The following XYLB variants were observed in gnomAD, a reference collection of about 807,000 sequenced individuals.
XYLB encodes xylulose kinase.
XYLB carries 62 observed loss-of-function variants against 78.7 expected under a neutral mutation model. The observed-to-expected ratio is 0.79, with a 90% CI of 0.64 to 0.97. The LOEUF (loss-of-function observed/expected upper bound fraction) is 0.97. XYLB is among the 50% of genes least tolerant of loss of function. The pLI, the probability that XYLB is intolerant of heterozygous loss-of-function variation, is 0.00. For missense variants in XYLB, 687 were observed against 676.8 expected (o/e 1.02, Z -0.17); for synonymous variants, 245 against 247.4 (o/e 0.99, Z 0.09).
chr3:38,362,854 G>C, intron 3 of XYLB, 83 bp from the exon 4 acceptor site: 2 of 1,204,840 alleles, frequency 1.7e-6, no homozygotes, highest in Admixed American at 5.8e-5. Context: ...TGTAATGGCA[G>C]GCACTTGCGT....
At chr3:38,398,678 C>G (rs1707991993) in intron 17 of XYLB, among the ~76,000 whole-genome samples, 1 of 150,954 alleles carries the variant, frequency 6.6e-6, no homozygotes, top group Admixed American at 6.6e-5. Flanking sequence ...GCCTGCCTGC[C>G]TTCCTTCCTT....
intron 18 of XYLB, 90 bp downstream of exon 18, chr3:38,401,075 C>T (rs751185933): frequency 3.6e-6 from 4 of 1,097,508 alleles, no homozygotes; most frequent in South Asian, 1.3e-5. Flanking sequence ...CTACATTGAA[C>T]GTGATGTGCT....
At chr3:38,365,845 G>A in intron 6 of XYLB, 109 bp downstream of exon 6, 1 of 1,435,010 alleles carries the variant, frequency 7.0e-7, no homozygotes, top group Non-Finnish European at 9.2e-7. Context: ...AGGTGTTGTG[G>A]AGCCAGCAAC....
At chr3:38,418,235 GTATC>G (rs1460701466), downstream of XYLB, among the ~76,000 whole-genome samples, 3 of 149,748 alleles carry the variant, frequency 2.0e-5, no homozygotes, top group Admixed American at 6.7e-5. Flanking sequence ...ATGTATGTAT[GTATC>G]TATGTATCAG....
At chr3:38,408,847 A>T (rs1226604552) in intron 18 of XYLB, among the ~76,000 whole-genome samples, 1 of 152,258 alleles carries the variant, frequency 6.6e-6, no homozygotes, top group Non-Finnish European at 1.5e-5. Context: ...AAGAAGTTGA[A>T]TCTCTGAATA....
At chr3:38,426,950 G>A in the XYLB span, among the ~76,000 whole-genome samples, 3 of 152,214 alleles carry the variant, frequency 2.0e-5, no homozygotes, top group Admixed American at 6.5e-5. Flanking sequence ...ACAAACGATA[G>A]CAGGAAAGGC....
At chr3:38,418,979 T>C (rs115990057), downstream of XYLB, among the ~76,000 whole-genome samples, 455 of 152,290 alleles carry the variant, frequency 3.0e-3, 3 homozygotes, top group African/African-American at 0.01. Flanking sequence ...TATGCTACCA[T>C]CACCACCACA....
At chr3:38,350,032 AG>A (rs2125545242) in intron 2 of XYLB, among the ~76,000 whole-genome samples, 1 of 152,312 alleles carries the variant, frequency 6.6e-6, no homozygotes, top group African/African-American at 2.4e-5. Context: ...TTAGGGGCAG[AG>A]GGGGCACAAT....
chr3:38,360,612 A>G (rs1705915743), intron 3 of XYLB, among the ~76,000 whole-genome samples: 2 of 152,260 alleles, frequency 1.3e-5, no homozygotes, highest in Non-Finnish European at 2.9e-5. Context: ...AGGACTTACA[A>G]AAAACTTCCA....
At chr3:38,427,219 C>T in the XYLB span, among the ~76,000 whole-genome samples, 30 of 152,160 alleles carry the variant, frequency 2.0e-4, no homozygotes, top group Non-Finnish European at 3.2e-4. Context: ...CCTCTAGTGC[C>T]GCTTCGTTAG....
chr3:38,376,288 G>A (rs893254102), intron 13 of XYLB, 56 bp downstream of exon 13: 26 of 1,356,622 alleles, frequency 1.9e-5, no homozygotes, highest in Admixed American at 8.4e-5. Context: ...CCGACTGGAG[G>A]GGCAGAGCCT....
At chr3:38,406,477 G>A (rs1020453591) in intron 18 of XYLB, among the ~76,000 whole-genome samples, 28 of 152,212 alleles carry the variant, frequency 1.8e-4, no homozygotes, top group African/African-American at 6.0e-4. Flanking sequence ...AAAGCAGAGC[G>A]CCTCTCCTCC....
intron 13 of XYLB, among the ~76,000 whole-genome samples, 191 bp downstream of exon 13, chr3:38,376,423 G>T (rs1293728387): frequency 6.6e-6 from 1 of 152,200 alleles, no homozygotes; most frequent in Non-Finnish European, 1.5e-5. Context: ...CAAGGGTGGG[G>T]CTGTAAGGCT....
intron 15 of XYLB, among the ~76,000 whole-genome samples, 157 bp from the exon 16 acceptor site, chr3:38,395,348 A>G (rs1707824776): frequency 6.6e-6 from 1 of 152,222 alleles, no homozygotes; most frequent in South Asian, 2.1e-4. Flanking sequence ...GCCTGCACAC[A>G]CAGAGCCAGC....
At position 38,396,175 on chromosome 3, in the gene XYLB, C is replaced by T. The variant is rs75093168; in HGVS notation, c.1350+612C>T. Among the ~76,000 whole-genome samples, 600 of 152,288 alleles carry T rather than the reference C, an allele frequency of 3.9e-3. 6 individuals carry two copies. Among genetic ancestry groups the T allele is most frequent in the Admixed American group, 0.026 (393 of 15,284 alleles). On this transcript the variant is annotated intron_variant, in intron 16 of 18. Transcript: ENST00000207870. ...ATCTTAGGTAAGATTTTTCTAGAAA[C>T]AGAGCCTGAAATGGGAATTCTTCTA...
At position 38,363,112 on chromosome 3, in the gene XYLB, G is replaced by A. The variant is rs559997523; in HGVS notation, c.291+95G>A. 34 of 1,057,002 alleles carry A rather than the reference G, an allele frequency of 3.2e-5. No individual in the cohort carries two copies. The African/African-American group carries it at 3.6e-4, about 11-fold the overall frequency. The allele number at this position is 1,057,002 out of a possible 1,614,324, so 65.5% of individuals were successfully genotyped here. A position where few individuals can be genotyped will look rare whatever the true frequency, so the allele number is the denominator to read the frequency against. ...AGATGGCAACCCTTGGATGGGGAGC[G>A]GCTCATTCTTGACAGCCACTGCACA... On this transcript the variant is annotated intron_variant, in intron 4 of 18. Transcript: ENST00000207870.
At chr3:38,429,514 A>T in the XYLB span, among the ~76,000 whole-genome samples, 1 of 152,344 alleles carries the variant, frequency 6.6e-6, no homozygotes, top group South Asian at 2.1e-4. Context: ...GAAGTCCAAG[A>T]TCAAGGTGTT....
intron 18 of XYLB, among the ~76,000 whole-genome samples, chr3:38,411,660 A>G (rs528796178): frequency 1.3e-5 from 2 of 152,176 alleles, no homozygotes; most frequent in African/African-American, 2.4e-5. Flanking sequence ...AAAAAAAAAA[A>G]ACCCTTTCCT....
intron 15 of XYLB, among the ~76,000 whole-genome samples, chr3:38,392,782 C>A (rs1457528952): frequency 6.6e-6 from 1 of 152,020 alleles, no homozygotes; most frequent in Admixed American, 6.6e-5. Context: ...TCTCATTTAT[C>A]TGTTGCTTAT....
Sources: allele counts gnomAD v4.1 joint callset (sites outside exome capture counted in the v4.1 genomes callset), GRCh38; gene constraint gnomAD v4.1.1; transcripts MANE v1.5; gene names NCBI Gene and HGNC (gene_info 2026-07-23, HGNC 2026-07-21).